Variants in TCF3 observed in about 807,000 individuals in gnomAD.
TCF3 encodes transcription factor 3.
Under a neutral mutation model 72.3 loss-of-function variants are expected in TCF3, and 54 were observed. The ratio of observed to expected loss-of-function variants is 0.75; its 90% CI spans 0.60 to 0.94. TCF3 has a LOEUF of 0.94. Among genes scored for constraint, TCF3 ranks in the 40% least tolerant of loss-of-function variants. The probability of loss-of-function intolerance (pLI) is 0.00; values close to 1 mark genes in which losing one functional copy is unlikely to be tolerated. For missense variants in TCF3, 1,078 were observed against 934.4 expected, an observed-to-expected ratio of 1.15 and a Z score of -2.00; for synonymous variants, 525 against 412.6, an observed-to-expected ratio of 1.27 and a Z score of -3.30.
chr19:1,631,622 C>T (rs951240401), intron 5 of TCF3, among the ~76,000 whole-genome samples: 8 of 152,122 alleles, frequency 5.3e-5, no homozygotes, highest in East Asian at 1.9e-4. Context: ...AGAGGGCGGG[C>T]GGGCGGTCTG....
intron 3 of TCF3, among the ~76,000 whole-genome samples, chr19:1,643,459 G>A (rs1392023111): frequency 1.3e-5 from 2 of 152,150 alleles, no homozygotes; most frequent in East Asian, 1.9e-4. Context: ...GCGCTCAAGC[G>A]ATCCTTCCGC....
chr19:1,626,529 T>C (rs1285032082), intron 6 of TCF3, among the ~76,000 whole-genome samples: 1 of 151,512 alleles, frequency 6.6e-6, no homozygotes, highest in Non-Finnish European at 1.5e-5. Flanking sequence ...CAGGGCCTTC[T>C]CCCGAGGCCC....
chr19:1,642,262 A>ACACGCACGCACG, intron 3 of TCF3, among the ~76,000 whole-genome samples: 1 of 151,862 alleles, frequency 6.6e-6, no homozygotes, highest in Non-Finnish European at 1.5e-5. Context: ...ACGTGCGCAC[A>ACACGCACGCACG]CACGCACGCA....
In TCF3 at chr19:1,609,695, G is replaced by A. The variant is rs910191654; in HGVS notation, c.*2012C>T. 8.8e-6 allele frequency: 2 copies of A among 227,820 alleles called. No homozygotes were observed. The highest frequency in any genetic ancestry group is 1.7e-5 in the Non-Finnish European group (2 of 114,920). The allele number at this position is 227,820 out of a possible 1,614,324, so 14.1% of individuals were successfully genotyped here. A position where few individuals can be genotyped will look rare whatever the true frequency, so the allele number is the denominator to read the frequency against. ...TAGGGGAAGCCACCGAGAAGGGAGAGGCAGCCGGACAGCCCCTCCCCTCCG... is the reference window on the plus strand; with the variant it reads ...TAGGGGAAGCCACCGAGAAGGGAGAAGCAGCCGGACAGCCCCTCCCCTCCG... On this transcript the variant is annotated 3_prime_UTR_variant, in exon 19 of 19. Transcript: ENST00000262965.
chr19:1,641,923 T>C (rs72620505), intron 3 of TCF3, among the ~76,000 whole-genome samples: 1 of 151,842 alleles, frequency 6.6e-6, no homozygotes, highest in African/African-American at 2.4e-5. Context: ...TTTAATTAGG[T>C]GGTCGCAGCT....
At chr19:1,633,956 A>G (rs1487425029) in intron 3 of TCF3, among the ~76,000 whole-genome samples, 1 of 152,190 alleles carries the variant, frequency 6.6e-6, no homozygotes, top group Non-Finnish European at 1.5e-5. Flanking sequence ...GTACCCCAGG[A>G]GGTGCAGAGA....
intron 3 of TCF3, among the ~76,000 whole-genome samples, chr19:1,638,183 CTCATT>C (rs1442412868): frequency 3.3e-5 from 5 of 152,206 alleles, no homozygotes; most frequent in Non-Finnish European, 1.5e-5. Flanking sequence ...TGAGTTCTCT[CTCATT>C]TCACTGAATC....
chr19:1,632,097 T>C lies in TCF3; in HGVS notation c.239A>G (p.His80Arg), dbSNP rs1429330164. ...DPSRTFSEGT[H>R]FTESHSSLSS... ...GAGGCTGCTGTGCGACTCAGTGAAGTGGGTGCCCTCGCTGAAGGTCTAGGG... is the reference window on the plus strand; with the variant it reads ...GAGGCTGCTGTGCGACTCAGTGAAGCGGGTGCCCTCGCTGAAGGTCTAGGG... Residue 80 changes from histidine to arginine, a missense_variant, in exon 5 of 19, where the codon CAC becomes CGC. Coordinates refer to ENST00000262965, the MANE Select transcript of TCF3 (RefSeq NM_003200.5). 6.2e-7 allele frequency: 1 copy of C among 1,613,104 alleles called. No individual in the cohort carries two copies. Among genetic ancestry groups the C allele is most frequent in the Non-Finnish European group, 8.5e-7 (1 of 1,179,770 alleles).
At chr19:1,619,750 A>AGGGGG (rs1555726055) in intron 14 of TCF3, 30 bp downstream of exon 14, 28 of 923,198 alleles carry the variant, frequency 3.0e-5, no homozygotes, top group East Asian at 1.4e-4. Flanking sequence ...CTGTCGGGGA[A>AGGGGG]GGGTGGGGTG....
chr19:1,623,156 G>A (rs2062454705), intron 8 of TCF3, among the ~76,000 whole-genome samples: 1 of 152,084 alleles, frequency 6.6e-6, no homozygotes, highest in South Asian at 2.1e-4. Context: ...GGGGTGAGGA[G>A]ATGTATGCCC....
Position 1,615,483 on chromosome 19 carries a change from G to C in TCF3, c.1624C>G (p.Gln542Glu). ...EDEDDLLPPE[Q>E]KAEREKERRV... ...CGCTCCTTCTCCCGCTCGGCCTTCT[G>C]CTCTGGGGGGAGAAGGTCGTCCTCG... Residue 542 changes from glutamine (Q) to glutamate (E), a missense_variant, in exon 18 of 19, where the codon CAG (glutamine) becomes GAG (glutamate). By Grantham distance (29) the Gln-to-Glu change is conservative. Coordinates refer to ENST00000262965, the MANE Select transcript of TCF3 (RefSeq NM_003200.5). The surrounding 1 kb of genome is among the most constrained non-coding windows in gnomAD (Gnocchi z 7.3). The C allele has an allele frequency of 1.9e-6, 3 of 1,611,136 alleles. No individual in the cohort carries two copies. Among genetic ancestry groups the C allele is most frequent in the Non-Finnish European group, 2.5e-6 (3 of 1,179,900 alleles).
At chr19:1,624,563 C>T (rs1255209561) in intron 7 of TCF3, among the ~76,000 whole-genome samples, 3 of 152,222 alleles carry the variant, frequency 2.0e-5, no homozygotes, top group Non-Finnish European at 4.4e-5. Flanking sequence ...CTTGGCCCCA[C>T]CCTCCTTCCA....
intron 3 of TCF3, among the ~76,000 whole-genome samples, chr19:1,633,610 G>A (rs553222908): frequency 3.9e-5 from 6 of 152,328 alleles, no homozygotes; most frequent in South Asian, 2.1e-4. Flanking sequence ...TAATCTCCAA[G>A]TCTAATGAAT....
At chr19:1,633,817 G>A (rs2064033629) in intron 3 of TCF3, among the ~76,000 whole-genome samples, 1 of 152,218 alleles carries the variant, frequency 6.6e-6, no homozygotes, top group South Asian at 2.1e-4. Flanking sequence ...GTGGGCCCTG[G>A]TGAACAGGGC....
At position 1,627,374 on chromosome 19, in the gene TCF3, C is replaced by A; in HGVS notation, c.351G>T (p.Val117=). ...AYASFGRDAG[V]GGLTQAGFLS... is the part of the protein sequence containing the mutation. The stretch of plus-strand genomic sequence containing the variant: ...AGCCCCTCACCTGAGTCAGGCCGCC[C>A]ACGCCTGCGTCTCTCCCGAAGGAGG... Residue 117 remains valine (V), a synonymous_variant, in exon 6 of 19, where the codon GTG becomes GTT. Transcript: ENST00000262965. 6.2e-7 allele frequency: 1 copy of A among 1,610,838 alleles called. No individual in the cohort carries two copies. Among genetic ancestry groups the A allele is most frequent in the Non-Finnish European group, 8.5e-7 (1 of 1,179,360 alleles).
At chr19:1,622,829 G>A (rs1417051430) in intron 8 of TCF3, among the ~76,000 whole-genome samples, 1 of 152,202 alleles carries the variant, frequency 6.6e-6, no homozygotes, top group Non-Finnish European at 1.5e-5. Flanking sequence ...CTTGGTCCCA[G>A]AGCAACATTC....
At chr19:1,632,238 T>C (rs1430254490) in intron 4 of TCF3, 94 bp downstream of exon 4, 6 of 1,544,266 alleles carry the variant, frequency 3.9e-6, no homozygotes, top group Non-Finnish European at 5.3e-6. Context: ...CCTGGAAGGC[T>C]GGCCCCTTCT....
chr19:1,630,552 G>A (rs777155153), intron 5 of TCF3, among the ~76,000 whole-genome samples: 5 of 152,172 alleles, frequency 3.3e-5, no homozygotes, highest in Admixed American at 1.3e-4. Context: ...AGGGGTACAC[G>A]GTGAGCACCT....
chr19:1,647,694 T>C (rs1282391210), intron 2 of TCF3, among the ~76,000 whole-genome samples: 1 of 152,160 alleles, frequency 6.6e-6, no homozygotes, highest in Admixed American at 6.5e-5. Flanking sequence ...AGGCCTGCTG[T>C]GGGGGACAGC....
Sources: allele counts gnomAD v4.1 joint callset (sites outside exome capture counted in the v4.1 genomes callset), GRCh38; gene constraint gnomAD v4.1.1; non-coding constraint Gnocchi (gnomAD v3.1); transcripts MANE v1.5; gene names NCBI Gene and HGNC (gene_info 2026-07-23, HGNC 2026-07-21).